The following RELN variants were observed in gnomAD, a reference collection of about 807,000 sequenced individuals.
The protein encoded by RELN is reelin.
RELN carries 108 observed loss-of-function variants against 427.6 expected under a neutral mutation model. The observed-to-expected ratio is 0.25, with a 90% CI of 0.22 to 0.30. RELN has a LOEUF of 0.30. Among genes scored for constraint, RELN ranks in the 10% least tolerant of loss-of-function variants. The pLI is 1.00. For missense variants in RELN, 3,715 were observed against 4,302.8 expected, an observed-to-expected ratio of 0.86 and a Z score of 3.82; for synonymous variants, 1,524 against 1,513.4, an observed-to-expected ratio of 1.01 and a Z score of -0.16.
chr7:103,636,435 C>T lies in RELN; in HGVS notation c.2103G>A (p.Glu701=). Reference sequence around the variant, plus strand: ...ACATTGGGAATGTCTGGGATGCCATCTCACAAGCTGGGCCAGAAAATCCAG... The same window carrying T: ...ACATTGGGAATGTCTGGGATGCCATTTCACAAGCTGGGCCAGAAAATCCAG... ...CDPGFSGPAC[E]MASQTFPMFI... The change falls in exon 18 of 65, where the codon GAG becomes GAA. Residue 701 remains glutamate (E), a synonymous_variant. Transcript: ENST00000428762. The T allele has an allele frequency of 6.2e-7, 1 of 1,613,788 alleles. No individual in the cohort carries two copies. Among genetic ancestry groups the T allele is most frequent in the Non-Finnish European group, 8.5e-7 (1 of 1,179,794 alleles).
chr7:103,698,465 C>A (rs1239979661), intron 9 of RELN, among the ~76,000 whole-genome samples: 3 of 152,040 alleles, frequency 2.0e-5, no homozygotes, highest in Non-Finnish European at 4.4e-5. Flanking sequence ...ACATGGTAAA[C>A]ATACAATCTA....
chr7:103,637,420 G>C (rs1832605839), intron 17 of RELN, among the ~76,000 whole-genome samples: 1 of 152,104 alleles, frequency 6.6e-6, no homozygotes, highest in Admixed American at 6.6e-5. Context: ...GCATGACTCA[G>C]GATACTTCTT....
At chr7:103,482,238 C>T (rs534422070) in intron 63 of RELN, 2 of 154,024 alleles carry the variant, frequency 1.3e-5, no homozygotes, top group Non-Finnish European at 2.9e-5. Context: ...AGTCCGAACC[C>T]GTCGAGACAT....
chr7:103,738,542 C>A (rs28469300), intron 6 of RELN, among the ~76,000 whole-genome samples: 3 of 151,942 alleles, frequency 2.0e-5, no homozygotes, highest in African/African-American at 7.3e-5. Context: ...GTGCCTCATG[C>A]CCTTTACCAG....
At chr7:103,544,377 T>G (rs1311699229) in intron 42 of RELN, among the ~76,000 whole-genome samples, 1 of 151,708 alleles carries the variant, frequency 6.6e-6, no homozygotes, top group East Asian at 1.9e-4. Flanking sequence ...TACAAGTGCC[T>G]GCCAGCGTGC....
intron 2 of RELN, among the ~76,000 whole-genome samples, chr7:103,882,639 A>C (rs1465099738): frequency 6.6e-6 from 1 of 152,082 alleles, no homozygotes; most frequent in East Asian, 1.9e-4. Context: ...AATATAAACT[A>C]CCATCAGAGA....
At chr7:103,879,077 C>T (rs1044660440) in intron 2 of RELN, among the ~76,000 whole-genome samples, 2 of 152,208 alleles carry the variant, frequency 1.3e-5, no homozygotes, top group African/African-American at 4.8e-5. Context: ...TTGTTAACTA[C>T]ATCCTCTTCA....
intron 13 of RELN, among the ~76,000 whole-genome samples, chr7:103,653,299 G>A (rs969516987): frequency 2.6e-5 from 4 of 152,034 alleles, no homozygotes; most frequent in Admixed American, 6.6e-5. Context: ...TGGAAATATC[G>A]TCTTTTATGA....
At chr7:103,545,409 A>T (rs1830271331) in intron 41 of RELN, 65 bp from the exon 42 acceptor site, 2 of 1,083,778 alleles carry the variant, frequency 1.8e-6, no homozygotes, top group Non-Finnish European at 2.8e-6. Flanking sequence ...AAGTATGCAC[A>T]TCTGATCAAT....
At chr7:103,665,881 ACT>A (rs1833254292) in intron 11 of RELN, among the ~76,000 whole-genome samples, 1 of 138,544 alleles carries the variant, frequency 7.2e-6, no homozygotes, top group Non-Finnish European at 1.6e-5. Context: ...CGTGTCTCTC[ACT>A]CTCTCATTAA....
intron 2 of RELN, among the ~76,000 whole-genome samples, chr7:103,902,341 T>A (rs778978347): frequency 7.2e-5 from 11 of 152,094 alleles, no homozygotes; most frequent in Non-Finnish European, 1.6e-4. Context: ...ATAATTATCT[T>A]TAAAAGAAAA....
chr7:103,817,924 T>C (rs1243870569), intron 3 of RELN, among the ~76,000 whole-genome samples: 2 of 87,436 alleles, frequency 2.3e-5, no homozygotes, highest in Non-Finnish European at 2.0e-5. Flanking sequence ...GGTGACAGAG[T>C]AAGACTCCAT....
chr7:103,766,750 G>C (rs1791433549), intron 4 of RELN, among the ~76,000 whole-genome samples: 2 of 152,196 alleles, frequency 1.3e-5, no homozygotes, highest in South Asian at 2.1e-4. Context: ...GGCCCTTAGA[G>C]AGCACAGCCA....
chr7:103,508,898 T>G (rs967044394), intron 51 of RELN, among the ~76,000 whole-genome samples: 2 of 152,188 alleles, frequency 1.3e-5, no homozygotes, highest in South Asian at 4.1e-4. Context: ...CCATTCACAA[T>G]TGCTACAAAG....
chr7:103,986,906 T>C (rs1334698826), intron 1 of RELN, among the ~76,000 whole-genome samples: 1 of 151,376 alleles, frequency 6.6e-6, no homozygotes, highest in African/African-American at 2.4e-5. Flanking sequence ...AGTTTTCCTA[T>C]TGGCAGTTCA....
At chr7:103,983,185 A>G (rs188037156) in intron 1 of RELN, among the ~76,000 whole-genome samples, 89 of 152,358 alleles carry the variant, frequency 5.8e-4, no homozygotes, top group African/African-American at 2.0e-3. Flanking sequence ...CTACATTTGT[A>G]CTGATCCCCC....
At chr7:103,672,301 A>G (rs1833411399) in intron 11 of RELN, among the ~76,000 whole-genome samples, 1 of 152,092 alleles carries the variant, frequency 6.6e-6, no homozygotes, top group Non-Finnish European at 1.5e-5. Flanking sequence ...GACAGTTACT[A>G]TGGGGCTGGG....
chr7:103,610,639 A>T, intron 22 of RELN, 56 bp downstream of exon 22: 2 of 885,072 alleles, frequency 2.3e-6, no homozygotes, highest in Admixed American at 3.4e-5. Flanking sequence ...ACAGAATTGA[A>T]TCAAAAGGGA....
At chr7:103,754,320 G>C (rs533952299) in intron 4 of RELN, among the ~76,000 whole-genome samples, 18 of 151,794 alleles carry the variant, frequency 1.2e-4, no homozygotes, top group Non-Finnish European at 2.5e-4. Context: ...GTGACTACTA[G>C]AATATTTAAA....
Sources: gnomAD v4.1 joint callset for allele counts (sites outside exome capture counted in the v4.1 genomes callset) on GRCh38, gnomAD v4.1.1 for gene constraint, MANE v1.5 for transcripts, NCBI Gene and HGNC (gene_info 2026-07-23, HGNC 2026-07-21) for gene names.